Variants in RCAN2 observed in about 807,000 individuals in gnomAD.
The protein encoded by RCAN2 is regulator of calcineurin 2.
A neutral mutation model predicts 23.6 loss-of-function variants in RCAN2; 9 were observed. The ratio of observed to expected loss-of-function variants is 0.38; its 90% CI spans 0.23 to 0.67. The LOEUF is 0.67. RCAN2 is among the 30% of genes least tolerant of loss of function. RCAN2 has a pLI of 0.51. For synonymous variants in RCAN2, 109 were observed against 115.7 expected, an observed-to-expected ratio of 0.94 and a Z score of 0.37; for missense variants, 273 against 302.3, an observed-to-expected ratio of 0.90 and a Z score of 0.72.
chr6:46,309,087 G>C (rs1763171861), intron 2 of RCAN2, among the ~76,000 whole-genome samples: 2 of 152,148 alleles, frequency 1.3e-5, no homozygotes, highest in African/African-American at 4.8e-5. Context: ...AAAAGAGATG[G>C]GGTAAGCCTG....
At chr6:46,434,482 A>G (rs1239218480) in intron 2 of RCAN2, among the ~76,000 whole-genome samples, 3 of 152,142 alleles carry the variant, frequency 2.0e-5, no homozygotes, top group Non-Finnish European at 1.5e-5. Context: ...GGGAGCCTCC[A>G]TGTCACTAAG....
At chr6:46,256,651 T>C (rs1223262319) in intron 2 of RCAN2, among the ~76,000 whole-genome samples, 1 of 152,220 alleles carries the variant, frequency 6.6e-6, no homozygotes, top group East Asian at 1.9e-4. Context: ...TGGTTTTCCT[T>C]AAATCTTATT....
chr6:46,471,130 G>A (rs115857910), intron 1 of RCAN2, among the ~76,000 whole-genome samples: 36 of 152,316 alleles, frequency 2.4e-4, no homozygotes, highest in Non-Finnish European at 3.8e-4. Context: ...GGGTTCAGAG[G>A]AAAAGCAGAT....
intron 2 of RCAN2, among the ~76,000 whole-genome samples, chr6:46,339,765 C>T (rs6910951): frequency 0.42 from 64,051 of 151,830 alleles, 14,949 homozygotes; most frequent in East Asian, 0.6. Flanking sequence ...TATTATCATA[C>T]TATTGTCCGT....
chr6:46,303,362 C>G (rs201300172), intron 2 of RCAN2, among the ~76,000 whole-genome samples: 1 of 152,010 alleles, frequency 6.6e-6, no homozygotes, highest in East Asian at 1.9e-4. Flanking sequence ...ACTGTTACTT[C>G]CCAGGATTAC....
intron 2 of RCAN2, among the ~76,000 whole-genome samples, chr6:46,453,579 T>A (rs1767940362): frequency 6.6e-6 from 1 of 152,238 alleles, no homozygotes; most frequent in African/African-American, 2.4e-5. Context: ...ATTTATCATT[T>A]TGCACAGAAC....
At chr6:46,306,511 T>C (rs1273785372) in intron 2 of RCAN2, among the ~76,000 whole-genome samples, 2 of 152,158 alleles carry the variant, frequency 1.3e-5, no homozygotes, top group Non-Finnish European at 2.9e-5. Flanking sequence ...TAAGGAGAGA[T>C]GAGGAGGGCA....
chr6:46,315,167 G>T (rs1395451434), intron 2 of RCAN2, among the ~76,000 whole-genome samples: 2 of 152,196 alleles, frequency 1.3e-5, no homozygotes, highest in Non-Finnish European at 2.9e-5. Context: ...TGGTCTAGCA[G>T]CATGTTTTAG....
chr6:46,241,763 C>T (rs1231386708), intron 4 of RCAN2, among the ~76,000 whole-genome samples: 1 of 152,172 alleles, frequency 6.6e-6, no homozygotes, highest in Non-Finnish European at 1.5e-5. Flanking sequence ...TACTTAACCA[C>T]TCTGTGCCTC....
intron 2 of RCAN2, among the ~76,000 whole-genome samples, chr6:46,389,819 G>A (rs1035860719): frequency 7.9e-5 from 12 of 152,174 alleles, no homozygotes; most frequent in African/African-American, 2.9e-4. Flanking sequence ...AGGTTGCTGA[G>A]TTCTGATGGA....
intron 2 of RCAN2, among the ~76,000 whole-genome samples, chr6:46,402,818 T>G (rs1766290254): frequency 6.6e-6 from 1 of 152,236 alleles, no homozygotes; most frequent in South Asian, 2.1e-4. Context: ...GTCTTTATTC[T>G]GAAGGCTCCT....
chr6:46,472,946 C>T (rs1449371532), intron 1 of RCAN2, among the ~76,000 whole-genome samples: 1 of 152,174 alleles, frequency 6.6e-6, no homozygotes, highest in Admixed American at 6.5e-5. Context: ...TCTGGTAGCT[C>T]AGAGCGAGAA....
chr6:46,294,789 C>T (rs1455718732), intron 2 of RCAN2, among the ~76,000 whole-genome samples: 1 of 152,124 alleles, frequency 6.6e-6, no homozygotes, highest in Non-Finnish European at 1.5e-5. Context: ...TATATATTTG[C>T]TTTAAGATAA....
chr6:46,483,163 C>G (rs999355801), intron 1 of RCAN2, among the ~76,000 whole-genome samples: 1 of 152,152 alleles, frequency 6.6e-6, no homozygotes, highest in African/African-American at 2.4e-5. Context: ...CATCTAGAGA[C>G]ATTCTAAGTT....
chr6:46,431,459 A>C (rs928328245), intron 2 of RCAN2, among the ~76,000 whole-genome samples: 9 of 152,222 alleles, frequency 5.9e-5, no homozygotes, highest in Non-Finnish European at 1.0e-4. Context: ...CAATAAATTC[A>C]TTCAGGGAAA....
chr6:46,312,261 C>T (rs1416087262), intron 2 of RCAN2, among the ~76,000 whole-genome samples: 2 of 152,084 alleles, frequency 1.3e-5, no homozygotes, highest in Non-Finnish European at 2.9e-5. Flanking sequence ...GGAGTTTTAG[C>T]CCCTATGAAA....
chr6:46,301,749 G>A (rs926889989), intron 2 of RCAN2, among the ~76,000 whole-genome samples: 22 of 152,106 alleles, frequency 1.4e-4, no homozygotes, highest in Admixed American at 1.3e-3. Flanking sequence ...GCAATAAAAA[G>A]GAACCAACCA....
chr6:46,456,202 CT>C (rs1292439068), intron 2 of RCAN2, among the ~76,000 whole-genome samples: 1 of 152,178 alleles, frequency 6.6e-6, no homozygotes, highest in Non-Finnish European at 1.5e-5. Flanking sequence ...CATTCAAATT[CT>C]TACAACACAC....
chr6:46,432,698 C>T (rs1208987916), intron 2 of RCAN2, among the ~76,000 whole-genome samples: 6 of 151,818 alleles, frequency 4.0e-5, no homozygotes, highest in African/African-American at 9.7e-5. Context: ...TAATACATGC[C>T]GAAGATATTA....
Sources: gnomAD v4.1 joint callset for allele counts (sites outside exome capture counted in the v4.1 genomes callset) on GRCh38, gnomAD v4.1.1 for gene constraint, MANE v1.5 for transcripts, NCBI Gene and HGNC (gene_info 2026-07-23, HGNC 2026-07-21) for gene names.